VAV3: variants seen among roughly 807,000 people sequenced by gnomAD.
VAV3 encodes guanine nucleotide exchange factor VAV3.
In VAV3, 94 loss-of-function variants were observed where a neutral mutation model predicts 131.2. The observed-to-expected ratio is 0.72, with a 90% CI of 0.61 to 0.85. VAV3 has a LOEUF of 0.85. Ranked by LOEUF, VAV3 falls within the 40% of genes least tolerant of loss-of-function variation. The pLI, the probability that VAV3 is intolerant of heterozygous loss-of-function variation, is 0.00. For missense variants in VAV3, 939 were observed against 1,002.7 expected, an observed-to-expected ratio of 0.94 and a Z score of 0.86; for synonymous variants, 349 against 342.0, an observed-to-expected ratio of 1.02 and a Z score of -0.22.
intron 2 of VAV3, among the ~76,000 whole-genome samples, chr1:107,789,649 T>C (rs1437617147): frequency 2.6e-5 from 4 of 152,264 alleles, no homozygotes; most frequent in Middle Eastern, 3.4e-3. Context: ...ATGTAAGAAA[T>C]GTAGTTTCTG....
chr1:107,855,972 T>G (rs1669448028), intron 2 of VAV3, among the ~76,000 whole-genome samples: 1 of 152,192 alleles, frequency 6.6e-6, no homozygotes, highest in Non-Finnish European at 1.5e-5. Flanking sequence ...CTACCATTGG[T>G]GCCCAACAGT....
intron 15 of VAV3, among the ~76,000 whole-genome samples, chr1:107,747,026 T>C (rs1030914948): frequency 6.6e-6 from 1 of 152,166 alleles, no homozygotes; most frequent in African/African-American, 2.4e-5. Flanking sequence ...ACGACAGGCA[T>C]GTGCCACCAC....
intron 15 of VAV3, among the ~76,000 whole-genome samples, chr1:107,726,157 C>G (rs1661826318): frequency 6.6e-6 from 1 of 152,072 alleles, no homozygotes; most frequent in Admixed American, 6.6e-5. Flanking sequence ...TTTTAAAAAT[C>G]TGAGCTCTGA....
At chr1:107,614,801 A>C (rs1408603560) in intron 21 of VAV3, among the ~76,000 whole-genome samples, 1 of 152,140 alleles carries the variant, frequency 6.6e-6, no homozygotes, top group Non-Finnish European at 1.5e-5. Context: ...ACTATCCCTA[A>C]AACAAAACTT....
intron 17 of VAV3, among the ~76,000 whole-genome samples, chr1:107,693,407 T>C (rs564096690): frequency 6.6e-6 from 1 of 152,304 alleles, no homozygotes; most frequent in East Asian, 1.9e-4. Flanking sequence ...TGCACTTGAG[T>C]TAATAATCTG....
chr1:107,808,718 A>G (rs901742108), intron 2 of VAV3, among the ~76,000 whole-genome samples: 15 of 152,236 alleles, frequency 9.9e-5, no homozygotes, highest in African/African-American at 3.6e-4. Flanking sequence ...TTTTTGCCAC[A>G]TAAGATGATT....
chr1:107,845,248 G>T, intron 2 of VAV3, among the ~76,000 whole-genome samples: 1 of 152,092 alleles, frequency 6.6e-6, no homozygotes, highest in East Asian at 1.9e-4. Flanking sequence ...AAGGAATAGC[G>T]TCAACATCAA....
At chr1:107,692,535 T>C (rs1254161526) in intron 17 of VAV3, among the ~76,000 whole-genome samples, 12 of 152,286 alleles carry the variant, frequency 7.9e-5, no homozygotes, top group Middle Eastern at 3.4e-3. Flanking sequence ...AGTACTGTGA[T>C]AAAATGCCTA....
chr1:107,831,942 A>G (rs191784105), intron 2 of VAV3, among the ~76,000 whole-genome samples: 1 of 152,346 alleles, frequency 6.6e-6, no homozygotes, highest in African/African-American at 2.4e-5. Flanking sequence ...CCAGTCACTG[A>G]TACAGAACCT....
intron 3 of VAV3, among the ~76,000 whole-genome samples, chr1:107,779,214 A>G (rs1303115283): frequency 1.3e-4 from 19 of 151,642 alleles, no homozygotes; most frequent in Admixed American, 1.2e-3. Flanking sequence ...GTCACCTGTG[A>G]ATTGAGAACA....
chr1:107,615,817 T>C (rs112526196), intron 21 of VAV3, among the ~76,000 whole-genome samples: 7 of 152,022 alleles, frequency 4.6e-5, no homozygotes, highest in Non-Finnish European at 1.0e-4. Context: ...AAAGAAGACA[T>C]ACATATAATT....
intron 19 of VAV3, among the ~76,000 whole-genome samples, chr1:107,653,954 T>C (rs1292499050): frequency 6.6e-6 from 1 of 152,048 alleles, no homozygotes; most frequent in Non-Finnish European, 1.5e-5. Context: ...TGTATTCTTT[T>C]GAAGTAGTAC....
chr1:107,841,357 G>A (rs995057970), intron 2 of VAV3, among the ~76,000 whole-genome samples: 1 of 151,946 alleles, frequency 6.6e-6, no homozygotes, highest in African/African-American at 2.4e-5. Flanking sequence ...AGAAATATGG[G>A]GAAAAAAACT....
At chr1:107,910,128 T>C (rs1379389013) in intron 1 of VAV3, among the ~76,000 whole-genome samples, 1 of 152,118 alleles carries the variant, frequency 6.6e-6, no homozygotes, top group Non-Finnish European at 1.5e-5. Context: ...GAAATGAACT[T>C]GAAGAGGTTA....
At chr1:107,630,245 T>C (rs1654353620) in intron 20 of VAV3, among the ~76,000 whole-genome samples, 1 of 152,126 alleles carries the variant, frequency 6.6e-6, no homozygotes, top group East Asian at 1.9e-4. Flanking sequence ...GGTTCTCTAG[T>C]TTCTGGTTCT....
intron 19 of VAV3, among the ~76,000 whole-genome samples, chr1:107,653,028 TTC>T (rs1294939950): frequency 1.3e-5 from 2 of 151,918 alleles, no homozygotes; most frequent in African/African-American, 4.8e-5. Context: ...TTCTTTATTT[TTC>T]TCTGTTCTCT....
chr1:107,611,230 G>T (rs538077770), intron 21 of VAV3, among the ~76,000 whole-genome samples: 1 of 152,176 alleles, frequency 6.6e-6, no homozygotes, highest in Non-Finnish European at 1.5e-5. Context: ...TCAGATGTCA[G>T]ATTTTCAAAT....
intron 1 of VAV3, among the ~76,000 whole-genome samples, chr1:107,963,227 C>T (rs759119277): frequency 1.3e-5 from 2 of 152,110 alleles, no homozygotes; most frequent in Non-Finnish European, 2.9e-5. Flanking sequence ...GGCATCCTGA[C>T]CCACGCTGCC....
intron 2 of VAV3, among the ~76,000 whole-genome samples, chr1:107,863,028 T>C (rs183858627): frequency 6.6e-6 from 1 of 152,174 alleles, no homozygotes; most frequent in East Asian, 1.9e-4. Flanking sequence ...GCAAAAATCA[T>C]AGAAAAATAA....
Sources: allele counts gnomAD v4.1 joint callset (sites outside exome capture counted in the v4.1 genomes callset), GRCh38; gene constraint gnomAD v4.1.1; transcripts MANE v1.5; gene names NCBI Gene and HGNC (gene_info 2026-07-23, HGNC 2026-07-21).